The following PTPRK variants were observed in gnomAD, a reference collection of about 807,000 sequenced individuals.
PTPRK encodes protein tyrosine phosphatase receptor type K.
A neutral mutation model predicts 178.0 loss-of-function variants in PTPRK; 75 were observed. That is an observed-to-expected ratio of 0.42 (90% CI 0.35 to 0.51). The LOEUF is 0.51. Among genes scored for constraint, PTPRK ranks in the 20% least tolerant of loss-of-function variants. The pLI is 0.02. For missense variants in PTPRK, 1,441 were observed against 1,797.8 expected (o/e 0.80, Z 3.59); for synonymous variants, 637 against 620.6 (o/e 1.03, Z -0.39).
At chr6:128,026,656 AACATATTATATATTTGACAAGATT>A (rs1774359307) in intron 13 of PTPRK, among the ~76,000 whole-genome samples, 2 of 152,244 alleles carry the variant, frequency 1.3e-5, no homozygotes, top group African/African-American at 4.8e-5. Context: ...ACTGGCATGC[AACATATTATATATTTGACAAGATT>A]ACATCATCTT....
chr6:128,161,021 T>C (rs1163685240), intron 7 of PTPRK, among the ~76,000 whole-genome samples: 1 of 151,748 alleles, frequency 6.6e-6, no homozygotes, highest in East Asian at 1.9e-4. Flanking sequence ...GGAGAGGGGC[T>C]AGACCAGATG....
At chr6:128,405,138 G>A (rs1841504129) in intron 1 of PTPRK, among the ~76,000 whole-genome samples, 1 of 152,098 alleles carries the variant, frequency 6.6e-6, no homozygotes, top group African/African-American at 2.4e-5. Context: ...AGCTATAAAA[G>A]CCTAGCTAAT....
At chr6:128,328,936 T>G (rs1354281997) in intron 2 of PTPRK, among the ~76,000 whole-genome samples, 1 of 152,200 alleles carries the variant, frequency 6.6e-6, no homozygotes, top group African/African-American at 2.4e-5. Context: ...TTACTTCATC[T>G]TTCAATCTGT....
At position 128,064,811 on chromosome 6, in the gene PTPRK, GA is replaced by G. The variant is rs758654560; in HGVS notation, c.2158-18del. 5.0e-3 allele frequency: 7,152 copies of G among 1,433,906 alleles called. 16 individuals are homozygous for G. Among genetic ancestry groups the G allele is most frequent in the South Asian group, 7.0e-3 (497 of 71,132 alleles). The allele number at this position is 1,433,906 out of a possible 1,614,324, so 88.8% of individuals were successfully genotyped here. On this transcript the variant is annotated intron_variant, in intron 12 of 29. Transcript: ENST00000368226. ...TTTAGTTTCCTGATAGAGTAAAAAT[GA>G]AAAAAAAAAGAGTCAATGTACAGAT...
intron 13 of PTPRK, among the ~76,000 whole-genome samples, chr6:128,024,249 T>C (rs1773949397): frequency 6.6e-6 from 1 of 152,192 alleles, no homozygotes; most frequent in African/African-American, 2.4e-5. Flanking sequence ...TATTCTATCA[T>C]ATCACAATGT....
rs535846014 is a variant in PTPRK at position 127,975,809 on chromosome 6, C to A, written c.3969+848G>T. Among the ~76,000 whole-genome samples the A allele has an allele frequency of 2.0e-5, 3 of 152,208 alleles. No homozygotes were observed. The East Asian group carries it at 5.8e-4, about 29-fold the overall frequency. ...GCCTCAGCCTCCCCACTAGCTGGGA[C>A]TACAGGCATGCCACCACCATGTCCA... On this transcript the variant is annotated intron_variant, in intron 27 of 29. Transcript: ENST00000368226.
At chr6:128,191,463 T>G (rs1196823433) in intron 6 of PTPRK, among the ~76,000 whole-genome samples, 3 of 151,960 alleles carry the variant, frequency 2.0e-5, no homozygotes, top group African/African-American at 7.2e-5. Flanking sequence ...GTGTACAGAA[T>G]TTGTTCAGAT....
intron 1 of PTPRK, among the ~76,000 whole-genome samples, chr6:128,466,034 A>C (rs1849804285): frequency 6.6e-6 from 1 of 152,152 alleles, no homozygotes. Flanking sequence ...CCCTCTTCTG[A>C]ATTTGGGATC....
At chr6:128,334,622 C>T (rs1830668588) in intron 2 of PTPRK, among the ~76,000 whole-genome samples, 1 of 152,142 alleles carries the variant, frequency 6.6e-6, no homozygotes, top group African/African-American at 2.4e-5. Context: ...TTCTCAGGAA[C>T]AAGGATCATC....
chr6:127,998,738 C>T lies in PTPRK; in HGVS notation c.2661G>A (p.Gly887=), dbSNP rs762478916. The change falls in exon 16 of 30, where the codon GGG becomes GGA. Residue 887 remains glycine (G), a synonymous_variant. Coordinates refer to ENST00000368226, the MANE Select transcript of PTPRK (RefSeq NM_002844.4). ...INLMKTSDSY[G]FKEEYESFFE... is the part of the protein sequence containing the mutation. ...TATTCACCTCATATTCCTCTTTGAA[C>T]CCATAGCTGTCTGATGTCTTCATGA... 1.3e-6 allele frequency: 2 copies of T among 1,590,224 alleles called. No homozygotes were observed. Among genetic ancestry groups the T allele is most frequent in the South Asian group, 2.3e-5 (2 of 88,112 alleles).
intron 1 of PTPRK, among the ~76,000 whole-genome samples, chr6:128,425,781 C>T (rs1651482228): frequency 6.6e-6 from 1 of 152,156 alleles, no homozygotes; most frequent in Admixed American, 6.5e-5. Flanking sequence ...CATGGATCCA[C>T]CCACTGACTC....
At chr6:128,292,258 C>T (rs1028601754) in intron 3 of PTPRK, among the ~76,000 whole-genome samples, 10 of 151,982 alleles carry the variant, frequency 6.6e-5, no homozygotes, top group Admixed American at 1.3e-4. Context: ...TTGCTGACTT[C>T]CTGATTGTAT....
intron 3 of PTPRK, among the ~76,000 whole-genome samples, chr6:128,261,557 A>G (rs866537335): frequency 1.1e-4 from 16 of 152,184 alleles, no homozygotes; most frequent in African/African-American, 3.9e-4. Flanking sequence ...TACTGTGTGC[A>G]GAGCTTCAGT....
At chr6:128,279,169 T>A (rs1821280740) in intron 3 of PTPRK, among the ~76,000 whole-genome samples, 1 of 144,978 alleles carries the variant, frequency 6.9e-6, no homozygotes, top group Non-Finnish European at 1.5e-5. Context: ...ATCATACAAA[T>A]CCCTGGGAGA....
intron 3 of PTPRK, among the ~76,000 whole-genome samples, chr6:128,290,100 C>T (rs1823135521): frequency 6.6e-6 from 1 of 152,020 alleles, no homozygotes; most frequent in Non-Finnish European, 1.5e-5. Flanking sequence ...CCAAAATCTC[C>T]CTATGAATCT....
intron 3 of PTPRK, among the ~76,000 whole-genome samples, chr6:128,302,826 C>T (rs1301357560): frequency 6.6e-6 from 1 of 152,064 alleles, no homozygotes; most frequent in Non-Finnish European, 1.5e-5. Context: ...TTTATGCTAA[C>T]GGCTCCTTAG....
chr6:128,177,003 A>G (rs1353262997), intron 7 of PTPRK, among the ~76,000 whole-genome samples: 2 of 151,724 alleles, frequency 1.3e-5, no homozygotes, highest in South Asian at 2.1e-4. Flanking sequence ...ATCACAATTC[A>G]ACAAAAGATA....
chr6:128,415,343 A>C (rs1584605985), intron 1 of PTPRK, among the ~76,000 whole-genome samples: 1 of 152,208 alleles, frequency 6.6e-6, no homozygotes, highest in Non-Finnish European at 1.5e-5. Flanking sequence ...AATCATATAA[A>C]AATTTAACTT....
chr6:128,441,352 T>G (rs1846256313), intron 1 of PTPRK, among the ~76,000 whole-genome samples: 2 of 152,090 alleles, frequency 1.3e-5, no homozygotes, highest in Admixed American at 6.6e-5. Context: ...AATGGAAACT[T>G]TAGGCAGTTG....
Sources: allele counts gnomAD v4.1 joint callset (sites outside exome capture counted in the v4.1 genomes callset), GRCh38; gene constraint gnomAD v4.1.1; transcripts MANE v1.5; gene names NCBI Gene and HGNC (gene_info 2026-07-23, HGNC 2026-07-21).